CPNE2: variants seen among roughly 807,000 people sequenced by gnomAD.
CPNE2 encodes the protein copine 2.
Under a neutral mutation model 69.7 loss-of-function variants are expected in CPNE2, and 42 were observed. The observed-to-expected ratio is 0.60, with a 90% CI of 0.47 to 0.78. CPNE2 has a LOEUF of 0.78. Ranked by LOEUF, CPNE2 falls within the 30% of genes least tolerant of loss-of-function variation. The probability of loss-of-function intolerance (pLI) is 0.00; values close to 1 mark genes in which losing one functional copy is unlikely to be tolerated. For missense variants in CPNE2, 587 were observed against 732.0 expected (o/e 0.80, Z 2.29); for synonymous variants, 294 against 289.8 (o/e 1.01, Z -0.15).
At position 57,128,390 on chromosome 16, in the gene CPNE2, G is replaced by A. The variant is rs185968044; in HGVS notation, c.1116+487G>A. Among the ~76,000 whole-genome samples, 13 of 151,772 alleles carry A rather than the reference G, an allele frequency of 8.6e-5. No individual in the cohort carries two copies. In the East Asian group the frequency reaches 1.9e-3, roughly 23 times the overall value. ...GATTACAGGTGCCCACCACCACCCC[G>A]CAGCTAACTTTTGTATTTTTAGTAG... is the stretch of plus-strand genomic sequence containing the variant. On this transcript the variant is annotated intron_variant, in intron 12 of 15. Transcript: ENST00000290776.
intron 12 of CPNE2, among the ~76,000 whole-genome samples, chr16:57,132,959 G>T (rs1257524687): frequency 6.6e-6 from 1 of 152,036 alleles, no homozygotes; most frequent in East Asian, 1.9e-4. Context: ...AAGAGCGGGG[G>T]GCCCGAGAAG....
intron 1 of CPNE2, among the ~76,000 whole-genome samples, chr16:57,098,974 G>A (rs1003395309): frequency 2.0e-5 from 3 of 152,302 alleles, no homozygotes; most frequent in Non-Finnish European, 4.4e-5. Flanking sequence ...CCACATTGAA[G>A]TGTAACATGA....
At chr16:57,110,431 G>C in intron 1 of CPNE2, 1 of 171,206 alleles carries the variant, frequency 5.8e-6, no homozygotes, top group Non-Finnish European at 1.2e-5. Flanking sequence ...CCTCCTTGTT[G>C]CCAGGCTGGT....
intron 4 of CPNE2, among the ~76,000 whole-genome samples, chr16:57,116,684 C>T (rs2069721613): frequency 6.6e-6 from 1 of 152,160 alleles, no homozygotes; most frequent in South Asian, 2.1e-4. Flanking sequence ...CCATCCCGTC[C>T]CCTGGGAAAT....
chr16:57,095,269 C>T (rs2069571288), intron 1 of CPNE2, among the ~76,000 whole-genome samples: 1 of 152,160 alleles, frequency 6.6e-6, no homozygotes, highest in African/African-American at 2.4e-5. Flanking sequence ...ACACATCTCC[C>T]CACCTCCCTG....
Position 57,146,672 on chromosome 16 carries a change from T to G in CPNE2, c.1539+351T>G. ...GTAAAGTGCAGGAGGAGAGAGGGGTTTTCCTGATCATCACGCCCCAGCAAG... is the reference window on the plus strand; with the variant it reads ...GTAAAGTGCAGGAGGAGAGAGGGGTGTTCCTGATCATCACGCCCCAGCAAG... On this transcript the variant is annotated intron_variant, in intron 15 of 15. Transcript: ENST00000290776. The surrounding 1 kb of genome is among the most constrained non-coding windows in gnomAD (Gnocchi z 4.4). 1 of 221,034 alleles carries G rather than the reference T, an allele frequency of 4.5e-6. No homozygotes were observed. Among genetic ancestry groups the G allele is most frequent in the Non-Finnish European group, 9.0e-6 (1 of 110,826 alleles). The allele number at this position is 221,034 out of a possible 1,614,324, so 13.7% of individuals were successfully genotyped here.
rs2069958716 is a variant in CPNE2 at position 57,146,375 on chromosome 16, G to A, written c.1539+54G>A. On this transcript the variant is annotated intron_variant, in intron 15 of 15. Coordinates refer to ENST00000290776, the MANE Select transcript of CPNE2 (RefSeq NM_152727.6). This position sits in a 1 kb window ranked among gnomAD's most constrained non-coding sequence, Gnocchi z 4.4. ...CGGTTACAGGATCCCAGCCACCATA[G>A]CTCATAATCAAGCTTGAGAGTCTTG... 7.1e-7 allele frequency: 1 copy of A among 1,413,730 alleles called. No individual in the cohort carries two copies. The highest frequency in any genetic ancestry group is 1.4e-5 in the South Asian group (1 of 73,888). 87.6% of individuals were successfully genotyped at this position (1,413,730 alleles called of 1,614,324 possible).
At chr16:57,097,698 C>T (rs2145230987) in intron 1 of CPNE2, among the ~76,000 whole-genome samples, 1 of 152,318 alleles carries the variant, frequency 6.6e-6, no homozygotes, top group African/African-American at 2.4e-5. Context: ...ACGTCCCACC[C>T]AGGGGACCTC....
intron 1 of CPNE2, among the ~76,000 whole-genome samples, chr16:57,099,371 G>A (rs2069598516): frequency 6.6e-6 from 1 of 152,132 alleles, no homozygotes; most frequent in Non-Finnish European, 1.5e-5. Context: ...TGGGTGGGGA[G>A]TTCCAGTTGG....
chr16:57,134,917 T>C, intron 13 of CPNE2, 91 bp downstream of exon 13: 4 of 1,360,388 alleles, frequency 2.9e-6, no homozygotes, highest in Non-Finnish European at 4.2e-6. Flanking sequence ...CAGGTTTTCA[T>C]TTCTTTCTCC....
intron 13 of CPNE2, among the ~76,000 whole-genome samples, chr16:57,136,135 AG>A (rs1261852097): frequency 6.6e-6 from 1 of 152,160 alleles, no homozygotes; most frequent in East Asian, 1.9e-4. Context: ...GAGGGGATGC[AG>A]GTGGGTATGG....
chr16:57,138,686 G>T lies in CPNE2; in HGVS notation c.1302+1404G>T, dbSNP rs757150510. Among the ~76,000 whole-genome samples, 3 of 152,074 alleles carry T rather than the reference G, an allele frequency of 2.0e-5. No individual in the cohort carries two copies. The South Asian group carries it at 6.2e-4, about 31-fold the overall frequency. On this transcript the variant is annotated intron_variant, in intron 14 of 15. Transcript: ENST00000290776. ...AGCAGATCTCTTGCCTTCTCTGCCT[G>T]TTCCTGGCTGACCCTGATGATGGTC...
At chr16:57,116,965 G>A (rs547169083) in intron 4 of CPNE2, among the ~76,000 whole-genome samples, 1 of 152,320 alleles carries the variant, frequency 6.6e-6, no homozygotes, top group Non-Finnish European at 1.5e-5. Context: ...GCCATCACTG[G>A]CTGGGCTGGG....
chr16:57,096,984 C>G (rs1358552289), intron 1 of CPNE2, among the ~76,000 whole-genome samples: 1 of 152,012 alleles, frequency 6.6e-6, no homozygotes, highest in Non-Finnish European at 1.5e-5. Context: ...TGCAAAGGCC[C>G]TGTGGTGGGG....
chr16:57,119,424 C>A, intron 6 of CPNE2, 137 bp from the exon 7 acceptor site: 2 of 1,107,566 alleles, frequency 1.8e-6, no homozygotes, highest in Non-Finnish European at 2.7e-6. Context: ...TCCTCCCAGC[C>A]ACAGGGACGC....
rs1338454161 is a variant in CPNE2 at position 57,110,790 on chromosome 16, C to T, written c.48C>T (p.Pro16=). Residue 16 remains proline, a synonymous_variant, in exon 2 of 16, where the codon CCC becomes CCT. Transcript: ENST00000290776. ...GTGCCCCAGCAGCGGGGGCAGCCCC[C>T]ATGGGCCCCCAGTATTGCGTGTGCA... ...SGGAPAAGAA[P]MGPQYCVCKV... is the part of the protein sequence containing the mutation. 2.5e-6 allele frequency: 4 copies of T among 1,613,678 alleles called. No homozygotes were observed. The highest frequency in any genetic ancestry group is 4.5e-5 in the East Asian group (2 of 44,844).
chr16:57,128,637 G>C (rs1455398030), intron 12 of CPNE2, among the ~76,000 whole-genome samples: 1 of 152,054 alleles, frequency 6.6e-6, no homozygotes, highest in Non-Finnish European at 1.5e-5. Flanking sequence ...TGGATCTAGG[G>C]GTACAAGTAT....
chr16:57,119,813 T>G (rs1304390994), intron 7 of CPNE2, among the ~76,000 whole-genome samples, 163 bp downstream of exon 7: 1 of 152,190 alleles, frequency 6.6e-6, no homozygotes, highest in Non-Finnish European at 1.5e-5. Context: ...TCATCCTGGA[T>G]CTATCTGATG....
chr16:57,119,799 G>A, intron 7 of CPNE2, 149 bp downstream of exon 7: 1 of 601,454 alleles, frequency 1.7e-6, no homozygotes, highest in African/African-American at 1.9e-5. Context: ...TGGAGACTGG[G>A]TCCTCATCCT....
Sources: gnomAD v4.1 joint callset for allele counts (sites outside exome capture counted in the v4.1 genomes callset) on GRCh38, gnomAD v4.1.1 for gene constraint, Gnocchi (gnomAD v3.1) non-coding constraint, MANE v1.5 for transcripts, NCBI Gene and HGNC (gene_info 2026-07-23, HGNC 2026-07-21) for gene names.